Variants in LRIT1 observed in about 807,000 individuals in gnomAD.
LRIT1 encodes the protein leucine-rich repeat, immunoglobulin-like domain and transmembrane domain-containing protein 1.
A neutral mutation model predicts 24.0 loss-of-function variants in LRIT1; 23 were observed. The observed-to-expected ratio is 0.96, with a 90% CI of 0.69 to 1.36. LRIT1 has a LOEUF of 1.36. Ranked by LOEUF, LRIT1 falls within the 40% of genes most tolerant of loss-of-function variation. The probability of loss-of-function intolerance (pLI) is 0.00; values close to 1 mark genes in which losing one functional copy is unlikely to be tolerated. For missense variants in LRIT1, 846 were observed against 806.3 expected, an observed-to-expected ratio of 1.05 and a Z score of -0.60; for synonymous variants, 361 against 340.5, an observed-to-expected ratio of 1.06 and a Z score of -0.66.
intron 2 of LRIT1, 61 bp downstream of exon 2, chr10:84,237,159 C>A: frequency 1.6e-6 from 2 of 1,259,154 alleles, no homozygotes; most frequent in South Asian, 1.3e-5. Context: ...TCCAAATAAT[C>A]GAAACTCAGG....
intron 3 of LRIT1, among the ~76,000 whole-genome samples, chr10:84,233,133 C>T (rs1264167616): frequency 6.6e-6 from 1 of 152,114 alleles, no homozygotes; most frequent in African/African-American, 2.4e-5. Flanking sequence ...AGAATGATGC[C>T]TTCTAAATCT....
Position 84,237,606 on chromosome 10 carries a change from C to A in LRIT1, c.203G>T (p.Arg68Leu), listed in dbSNP as rs777422745. 6.2e-7 allele frequency: 1 copy of A among 1,606,704 alleles called. No homozygotes were observed. The highest frequency in any genetic ancestry group is 8.5e-7 in the Non-Finnish European group (1 of 1,179,668). The change falls in exon 2 of 4, where the codon CGG (arginine) becomes CTG (leucine). Residue 68 changes from arginine to leucine, a missense_variant. Coordinates refer to ENST00000372105, the MANE Select transcript of LRIT1 (RefSeq NM_015613.3). ...GCCAGGAACCCTGCGTATGGCCGTC[C>A]GCTCCAGGCGCAGTCTGGAGGTGTC... ...PPDTSRLRLE[R>L]TAIRRVPGEA...
chr10:84,233,837 T>C (rs1169740104), intron 3 of LRIT1, among the ~76,000 whole-genome samples: 1 of 152,224 alleles, frequency 6.6e-6, no homozygotes, highest in Non-Finnish European at 1.5e-5. Context: ...CCCAAGTCTC[T>C]ATAGAGTGTC....
Position 84,232,052 on chromosome 10 carries a change from C to A in LRIT1, c.1747G>T (p.Gly583Cys), listed in dbSNP as rs145262340. The change falls in exon 4 of 4, where the codon GGC becomes TGC. Residue 583 changes from glycine (G) to cysteine (C), a missense_variant. Transcript: ENST00000372105. Reference sequence around the variant, plus strand: ...CTGTGCCGGGACAGCTCCTCCAAGCCGTCCTCGCTGTAGCCCAGTCTCTCT... The same window carrying A: ...CTGTGCCGGGACAGCTCCTCCAAGCAGTCCTCGCTGTAGCCCAGTCTCTCT... ...NLERLGYSED[G>C]LEELSRHSVS... 1 of 1,614,150 alleles carries A rather than the reference C, an allele frequency of 6.2e-7. No homozygotes were observed. Among genetic ancestry groups the A allele is most frequent in the African/African-American group, 1.3e-5 (1 of 75,054 alleles).
chr10:84,241,279 G>A lies in LRIT1; in HGVS notation c.122+39C>T, dbSNP rs767055894. On this transcript the variant is annotated intron_variant, in intron 1 of 3. Transcript: ENST00000372105. ...AACCCAGCCTAGCTGGCAAAGCAAT[G>A]GAGGCTGGGCTGCCCGTCCCACGCA... 8 of 1,613,098 alleles carry A rather than the reference G, an allele frequency of 5.0e-6. No homozygotes were observed. The African/African-American group carries it at 1.1e-4, about 22-fold the overall frequency.
Position 84,232,322 on chromosome 10 carries a change from T to TGGTCTTGGGCAA in LRIT1, c.1465_1476dup (p.Leu489_Thr492dup), listed in dbSNP as rs1328942180. 1 of 1,613,878 alleles carries TGGTCTTGGGCAA rather than the reference T, an allele frequency of 6.2e-7. No homozygotes were observed. The highest frequency in any genetic ancestry group is 8.5e-7 in the Non-Finnish European group (1 of 1,179,992). On this transcript the variant is annotated inframe_insertion, in exon 4 of 4. Transcript: ENST00000372105. ...TGCACACAGACACACGCCACATACTTGGTCTTGGGCAACAGCCCAGTGATG... is the reference window on the plus strand; with the variant it reads ...TGCACACAGACACACGCCACATACTTGGTCTTGGGCAAGGTCTTGGGCAACAGCCCAGTGATG...
chr10:84,237,447 GC>G lies in LRIT1; in HGVS notation c.361del (p.Ala121ProfsTer47), dbSNP rs756093031. The G allele has an allele frequency of 1.9e-6, 3 of 1,554,940 alleles. No homozygotes were observed. Among genetic ancestry groups the G allele is most frequent in the Non-Finnish European group, 2.6e-6 (3 of 1,153,358 alleles). ...GTCCCTGAGCGCCGCCCAGGGGAAG[GC>G]GGCCAGGCGGTTCCCGGGCAGCCGC... ...ELRLPGNRLA[A>X]FPWAALRDAP... On this transcript the variant is annotated frameshift_variant, in exon 2 of 4. Coordinates refer to ENST00000372105, the MANE Select transcript of LRIT1 (RefSeq NM_015613.3). LOFTEE classifies it high-confidence loss of function.
At chr10:84,240,403 C>G (rs569728463) in intron 1 of LRIT1, among the ~76,000 whole-genome samples, 1 of 152,314 alleles carries the variant, frequency 6.6e-6, no homozygotes, top group African/African-American at 2.4e-5. Flanking sequence ...CTCTCATCCC[C>G]CAATCAACTC....
At position 84,231,803 on chromosome 10, in the gene LRIT1, T is replaced by G; in HGVS notation, c.*124A>C. Reference sequence around the variant, plus strand: ...GCAGTAGCAGCTGCTGCTGCTGTTGTTGTGTGTAAGTATCTGAGTAAGCAG... The same window carrying G: ...GCAGTAGCAGCTGCTGCTGCTGTTGGTGTGTGTAAGTATCTGAGTAAGCAG... On this transcript the variant is annotated 3_prime_UTR_variant, in exon 4 of 4. Coordinates refer to ENST00000372105, the MANE Select transcript of LRIT1 (RefSeq NM_015613.3). 9.7e-7 allele frequency: 1 copy of G among 1,036,164 alleles called. No homozygotes were observed. The highest frequency in any genetic ancestry group is 1.4e-6 in the Non-Finnish European group (1 of 727,122). 64.2% of individuals were successfully genotyped at this position (1,036,164 alleles called of 1,614,324 possible). A position where few individuals can be genotyped will look rare whatever the true frequency, so the allele number is the denominator to read the frequency against.
chr10:84,239,759 A>G (rs1180073809), intron 1 of LRIT1, among the ~76,000 whole-genome samples: 1 of 152,158 alleles, frequency 6.6e-6, no homozygotes, highest in Non-Finnish European at 1.5e-5. Context: ...TCAGACATAA[A>G]GGCTGGGCTC....
In LRIT1 at chr10:84,237,633, G is replaced by A. The variant is rs777245216; in HGVS notation, c.176C>T (p.Pro59Leu). 8 of 1,605,558 alleles carry A rather than the reference G, an allele frequency of 5.0e-6. No homozygotes were observed. The highest frequency in any genetic ancestry group is 2.2e-5 in the South Asian group (2 of 91,016). Residue 59 changes from proline to leucine, a missense_variant, in exon 2 of 4, where the codon CCG becomes CTG. Transcript: ENST00000372105. Reference protein sequence around the residue: ...DMTLPPASIPPDTSRLRLERT... With the variant: ...DMTLPPASIPLDTSRLRLERT... ...CTCCAGGCGCAGTCTGGAGGTGTCC[G>A]GGGGGATGGACGCCGGGGGCAGGGT...
Position 84,232,124 on chromosome 10 carries a change from A to G in LRIT1, c.1675T>C (p.Cys559Arg), listed in dbSNP as rs1369741163. The stretch of plus-strand genomic sequence containing the variant: ...GCCTCAGTGGAGTCCTTGTTGAAGC[A>G]CTTTCGGCAGCGCTTCTGAAGAGCA... ...CSALQKRCRK[C>R]FNKDSTEATV... Residue 559 changes from cysteine (C) to arginine (R), a missense_variant, in exon 4 of 4, where the codon TGC (cysteine) becomes CGC (arginine). Coordinates refer to ENST00000372105, the MANE Select transcript of LRIT1 (RefSeq NM_015613.3). 1.2e-6 allele frequency: 2 copies of G among 1,614,106 alleles called. No individual in the cohort carries two copies. Among genetic ancestry groups the G allele is most frequent in the Non-Finnish European group, 1.7e-6 (2 of 1,180,020 alleles).
In LRIT1 at chr10:84,240,387, A is replaced by G. The variant is rs548004761; in HGVS notation, c.122+931T>C. Reference sequence around the variant, plus strand: ...TGTCTTTTCTTAGTGGTTCTTCTCCATTCTCCTCTCATCCCCCAATCAACT... The same window carrying G: ...TGTCTTTTCTTAGTGGTTCTTCTCCGTTCTCCTCTCATCCCCCAATCAACT... On this transcript the variant is annotated intron_variant, in intron 1 of 3. Transcript: ENST00000372105. Among the ~76,000 whole-genome samples the G allele has an allele frequency of 3.3e-5, 5 of 152,294 alleles. No individual in the cohort carries two copies. The East Asian group carries it at 5.8e-4, about 18-fold the overall frequency.
chr10:84,231,993 A>G lies in LRIT1; in HGVS notation c.1806T>C (p.Arg602=). Residue 602 remains arginine (R), a synonymous_variant, in exon 4 of 4, where the codon CGT becomes CGC. Transcript: ENST00000372105. The part of the protein sequence containing the change: ...VSEADRLLSA[R]SSVDFQAFGV... ...CAAAGGCCTGAAAGTCCACACTGGA[A>G]CGAGCTGAGAGAAGCCTGTCAGCCT... The G allele has an allele frequency of 6.2e-7, 1 of 1,614,064 alleles. No individual in the cohort carries two copies. The highest frequency in any genetic ancestry group is 2.2e-5 in the East Asian group (1 of 44,870).
At chr10:84,239,823 C>T (rs960310027) in intron 1 of LRIT1, among the ~76,000 whole-genome samples, 2 of 152,178 alleles carry the variant, frequency 1.3e-5, no homozygotes, top group African/African-American at 2.4e-5. Context: ...ACATGCAGAA[C>T]GAGCTTTGGT....
In LRIT1 at chr10:84,237,607, G is replaced by C; in HGVS notation, c.202C>G (p.Arg68Gly). Residue 68 changes from arginine to glycine, a missense_variant, in exon 2 of 4, where the codon CGG (arginine) becomes GGG (glycine). Arg to Gly is a moderately radical substitution (Grantham distance 125, BLOSUM62 -2). Coordinates refer to ENST00000372105, the MANE Select transcript of LRIT1 (RefSeq NM_015613.3). ...CCAGGAACCCTGCGTATGGCCGTCC[G>C]CTCCAGGCGCAGTCTGGAGGTGTCC... ...PPDTSRLRLE[R>G]TAIRRVPGEA... is the part of the protein sequence containing the mutation. 1 of 1,606,674 alleles carries C rather than the reference G, an allele frequency of 6.2e-7. No homozygotes were observed. The highest frequency in any genetic ancestry group is 8.5e-7 in the Non-Finnish European group (1 of 1,179,670).
chr10:84,237,569 C>T lies in LRIT1; in HGVS notation c.240G>A (p.Arg80=), dbSNP rs769157535. Residue 80 remains arginine (R), a synonymous_variant, in exon 2 of 4, where the codon AGG becomes AGA. Coordinates refer to ENST00000372105, the MANE Select transcript of LRIT1 (RefSeq NM_015613.3). ...AIRRVPGEAF[R]PLGRLEQLWL... is the part of the protein sequence containing the mutation. ...ACAGCTGCTCCAGGCGGCCCAGGGG[C>T]CTGAAGGCCTCGCCAGGAACCCTGC... The T allele has an allele frequency of 1.2e-6, 2 of 1,606,368 alleles. No individual in the cohort carries two copies. The highest frequency in any genetic ancestry group is 1.1e-5 in the South Asian group (1 of 91,066).
Position 84,231,598 on chromosome 10 carries a change from A to C in LRIT1, c.*329T>G. The C allele has an allele frequency of 3.0e-6, 1 of 330,520 alleles. No homozygotes were observed. Among genetic ancestry groups the C allele is most frequent in the Non-Finnish European group, 5.7e-6 (1 of 175,288 alleles). The allele number at this position is 330,520 out of a possible 1,614,324, so 20.5% of individuals were successfully genotyped here. On this transcript the variant is annotated 3_prime_UTR_variant, in exon 4 of 4. Transcript: ENST00000372105. The stretch of plus-strand genomic sequence containing the variant: ...TAAGTGTTCACTGCTATACATCACC[A>C]AGATTTTGCTTTCATTTGTTATACA...
At chr10:84,236,209 T>C (rs1842646205) in intron 2 of LRIT1, among the ~76,000 whole-genome samples, 1 of 150,986 alleles carries the variant, frequency 6.6e-6, no homozygotes, top group African/African-American at 2.4e-5. Flanking sequence ...GGCAGGAGAA[T>C]GGTGTGAACC....
Sources: allele counts gnomAD v4.1 joint callset (sites outside exome capture counted in the v4.1 genomes callset), GRCh38; gene constraint gnomAD v4.1.1; transcripts MANE v1.5; gene names NCBI Gene and HGNC (gene_info 2026-07-23, HGNC 2026-07-21).